The following CEP97 variants were observed in gnomAD, a reference collection of about 807,000 sequenced individuals.
The protein encoded by CEP97 is centrosomal protein 97, also known as centrosomal protein of 97 kDa.
In CEP97, 43 loss-of-function variants were observed where a neutral mutation model predicts 73.1. The ratio of observed to expected loss-of-function variants is 0.59; its 90% CI spans 0.46 to 0.76. CEP97 has a LOEUF of 0.76. Among genes scored for constraint, CEP97 ranks in the 30% least tolerant of loss-of-function variants. The probability of loss-of-function intolerance (pLI) is 0.00; values close to 1 mark genes in which losing one functional copy is unlikely to be tolerated. For missense variants in CEP97, 939 were observed against 1,014.0 expected (o/e 0.93, Z 1.00); for synonymous variants, 337 against 370.0 (o/e 0.91, Z 1.02).
chr3:101,745,440 CTT>C (rs1335103539), intron 6 of CEP97, among the ~76,000 whole-genome samples: 1 of 151,824 alleles, frequency 6.6e-6, no homozygotes, highest in Non-Finnish European at 1.5e-5. Flanking sequence ...ATTTTTTAAA[CTT>C]TTTTGTAGAG....
chr3:101,756,426 T>A (rs1041181132), intron 7 of CEP97, among the ~76,000 whole-genome samples: 2 of 151,684 alleles, frequency 1.3e-5, no homozygotes, highest in Non-Finnish European at 2.9e-5. Context: ...TGCAGTGGTG[T>A]GATCTCAGCT....
chr3:101,731,771 G>T, intron 4 of CEP97, 69 bp from the exon 5 acceptor site: 1 of 787,028 alleles, frequency 1.3e-6, no homozygotes, highest in Non-Finnish European at 2.2e-6. Context: ...TACCATTTTG[G>T]TGTTGTCACA....
At position 101,762,511 on chromosome 3, in the gene CEP97, G is replaced by T. The variant is rs371995529; in HGVS notation, c.1844G>T (p.Arg615Leu). The change falls in exon 10 of 11, where the codon CGT becomes CTT. Residue 615 changes from arginine (R) to leucine (L), a missense_variant. Arg to Leu is a moderately radical substitution (Grantham distance 102, BLOSUM62 -2). Coordinates refer to ENST00000341893, the MANE Select transcript of CEP97 (RefSeq NM_024548.4). ...RRLRKERDEE[R>L]IKKFVQEEAF... ...TTACGAAAAGAAAGAGATGAAGAACGTATTAAAAAATTTGTACAAGAAGAA... is the reference window on the plus strand; with the variant it reads ...TTACGAAAAGAAAGAGATGAAGAACTTATTAAAAAATTTGTACAAGAAGAA... 1 of 1,610,122 alleles carries T rather than the reference G, an allele frequency of 6.2e-7. No homozygotes were observed. The highest frequency in any genetic ancestry group is 8.5e-7 in the Non-Finnish European group (1 of 1,177,880).
At chr3:101,748,803 G>A (rs1458062938) in intron 6 of CEP97, among the ~76,000 whole-genome samples, 1 of 152,004 alleles carries the variant, frequency 6.6e-6, no homozygotes, top group African/African-American at 2.4e-5. Flanking sequence ...ACCACGCCTG[G>A]CTAATTTTTT....
rs770745532 is a variant in CEP97, at chr3:101,738,011, C to CAAA, written c.728+5378_728+5380dup. ...GAATATTTACCAAACAAATGGAAAG[C>CAAA]AAAAAAAAAAAAAAAAAAAAAAAGC... On this transcript the variant is annotated intron_variant, in intron 6 of 10. Transcript: ENST00000341893. Among the ~76,000 whole-genome samples the CAAA allele has an allele frequency of 8.5e-3, 373 of 44,070 alleles. 2 individuals carry two copies. The highest frequency in any genetic ancestry group is 0.015 in the African/African-American group (149 of 10,036). 28.9% of individuals were successfully genotyped at this position (44,070 alleles called of 152,430 possible).
At chr3:101,727,309 C>T (rs997466465) in intron 2 of CEP97, 74 bp from the exon 3 acceptor site, 24 of 1,294,736 alleles carry the variant, frequency 1.9e-5, no homozygotes, top group African/African-American at 6.0e-5. Flanking sequence ...CTAAATAAAC[C>T]TTTTAAATCA....
chr3:101,748,624 G>C (rs1321823654), intron 6 of CEP97, among the ~76,000 whole-genome samples: 2 of 152,060 alleles, frequency 1.3e-5, no homozygotes, highest in African/African-American at 4.8e-5. Flanking sequence ...TAGTCCACAG[G>C]GATGTTTCCA....
intron 7 of CEP97, among the ~76,000 whole-genome samples, chr3:101,756,258 C>T (rs912554707): frequency 2.0e-5 from 3 of 151,932 alleles, no homozygotes; most frequent in Non-Finnish European, 2.9e-5. Context: ...GGGTTTTTGC[C>T]ATGTTAGCCA....
intron 6 of CEP97, among the ~76,000 whole-genome samples, chr3:101,738,253 G>A (rs1938344516): frequency 1.3e-5 from 2 of 152,110 alleles, no homozygotes; most frequent in South Asian, 4.1e-4. Context: ...AATAGTGGGA[G>A]ACTTTAACAC....
intron 1 of CEP97, among the ~76,000 whole-genome samples, chr3:101,725,106 T>C (rs1336949146): frequency 6.6e-6 from 1 of 152,226 alleles, no homozygotes; most frequent in Non-Finnish European, 1.5e-5. Context: ...CTCCCTCTCT[T>C]CTTGGTTCCT....
At chr3:101,727,274 A>G in intron 2 of CEP97, 109 bp from the exon 3 acceptor site, 1 of 792,498 alleles carries the variant, frequency 1.3e-6, no homozygotes, top group Non-Finnish European at 2.0e-6. Context: ...GTACAAAAGG[A>G]GTTTGTTTGA....
At chr3:101,752,620 C>T (rs553085844) in intron 6 of CEP97, among the ~76,000 whole-genome samples, 3 of 152,114 alleles carry the variant, frequency 2.0e-5, no homozygotes, top group Non-Finnish European at 4.4e-5. Flanking sequence ...TGTAAACTTC[C>T]CTTCTCGCTT....
At chr3:101,742,209 A>G (rs1001263858) in intron 6 of CEP97, among the ~76,000 whole-genome samples, 5 of 152,178 alleles carry the variant, frequency 3.3e-5, no homozygotes, top group Admixed American at 1.3e-4. Context: ...CAGAAATACC[A>G]TCTGACTCAG....
chr3:101,745,976 A>G (rs966514243), intron 6 of CEP97, among the ~76,000 whole-genome samples: 10 of 152,038 alleles, frequency 6.6e-5, no homozygotes, highest in Admixed American at 1.3e-4. Context: ...TCATTGTTCA[A>G]TTCCCACCTA....
At chr3:101,763,116 G>A (rs1211936571) in intron 10 of CEP97, 4 of 1,184,490 alleles carry the variant, frequency 3.4e-6, no homozygotes, top group Non-Finnish European at 4.4e-6. Flanking sequence ...TAGAAATGGG[G>A]TCTTGCCATA....
Position 101,766,510 on chromosome 3 carries a change from A to G in CEP97, c.*959A>G, listed in dbSNP as rs1939320996. ...TCCCATAGTGAAGAACATTTAAAGT[A>G]ATACTACTGGTCGAATATGAATGAC... On this transcript the variant is annotated 3_prime_UTR_variant, in exon 11 of 11. Coordinates refer to ENST00000341893, the MANE Select transcript of CEP97 (RefSeq NM_024548.4). 1 of 152,632 alleles carries G rather than the reference A, an allele frequency of 6.6e-6. No homozygotes were observed. The highest frequency in any genetic ancestry group is 6.5e-5 in the Admixed American group (1 of 15,278). 9.5% of individuals were successfully genotyped at this position (152,632 alleles called of 1,614,324 possible). A position where few individuals can be genotyped will look rare whatever the true frequency, so the allele number is the denominator to read the frequency against.
chr3:101,736,666 C>T (rs1938286148), intron 6 of CEP97, among the ~76,000 whole-genome samples: 1 of 152,192 alleles, frequency 6.6e-6, no homozygotes, highest in African/African-American at 2.4e-5. Context: ...ACAAAAAGGA[C>T]ATCCACACAG....
intron 6 of CEP97, among the ~76,000 whole-genome samples, chr3:101,734,153 G>A (rs1221723661): frequency 6.6e-6 from 1 of 152,150 alleles, no homozygotes; most frequent in African/African-American, 2.4e-5. Context: ...TACCTGTGAA[G>A]CAGCAGAAGC....
Position 101,766,050 on chromosome 3 carries a change from T to C in CEP97, c.*499T>C, listed in dbSNP as rs1939310780. The C allele has an allele frequency of 6.6e-6, 1 of 152,262 alleles. No homozygotes were observed. The highest frequency in any genetic ancestry group is 2.4e-5 in the African/African-American group (1 of 41,464). The allele number at this position is 152,262 out of a possible 1,614,324, so 9.4% of individuals were successfully genotyped here. A position where few individuals can be genotyped will look rare whatever the true frequency, so the allele number is the denominator to read the frequency against. Reference sequence around the variant, plus strand: ...AGTCTCCCTGGTGTAAAATGTTTTTTTAAAGCCTTTTTTCCTCCTTTCGGA... The same window carrying C: ...AGTCTCCCTGGTGTAAAATGTTTTTCTAAAGCCTTTTTTCCTCCTTTCGGA... On this transcript the variant is annotated 3_prime_UTR_variant, in exon 11 of 11. Transcript: ENST00000341893.
Sources: gnomAD v4.1 joint callset for allele counts (sites outside exome capture counted in the v4.1 genomes callset) on GRCh38, gnomAD v4.1.1 for gene constraint, MANE v1.5 for transcripts, NCBI Gene and HGNC (gene_info 2026-07-23, HGNC 2026-07-21) for gene names.